The following NF1 variants were observed in gnomAD, a reference collection of about 807,000 sequenced individuals.
NF1 encodes the protein neurofibromin.
Under a neutral mutation model 325.7 loss-of-function variants are expected in NF1, and 122 were observed. That is an observed-to-expected ratio of 0.37 (90% CI 0.32 to 0.44). The LOEUF is 0.44. NF1 is among the 20% of genes least tolerant of loss of function. The probability of loss-of-function intolerance (pLI) is 1.00; values close to 1 mark genes in which losing one functional copy is unlikely to be tolerated. For synonymous variants in NF1, 1,091 were observed against 1,186.0 expected, an observed-to-expected ratio of 0.92 and a Z score of 1.65; for missense variants, 2,140 against 3,415.4, an observed-to-expected ratio of 0.63 and a Z score of 9.31.
intron 36 of NF1, among the ~76,000 whole-genome samples, chr17:31,297,791 C>T (rs1182305814): frequency 6.6e-6 from 1 of 152,066 alleles, no homozygotes; most frequent in Non-Finnish European, 1.5e-5. Context: ...TCAAATTTAT[C>T]AACCACTTAA....
At chr17:31,212,570 C>T (rs1282036819) in intron 12 of NF1, among the ~76,000 whole-genome samples, 3 of 152,052 alleles carry the variant, frequency 2.0e-5, no homozygotes, top group Non-Finnish European at 4.4e-5. Flanking sequence ...ATTAGCTGGG[C>T]GTGGTGGTGC....
chr17:31,140,609 T>A (rs924270296), intron 1 of NF1, among the ~76,000 whole-genome samples: 8 of 152,196 alleles, frequency 5.3e-5, no homozygotes, highest in Non-Finnish European at 8.8e-5. Flanking sequence ...GGTGGATACT[T>A]AAAGGAGATG....
At chr17:31,328,162 A>G (rs968553496) in intron 38 of NF1, among the ~76,000 whole-genome samples, 1 of 152,232 alleles carries the variant, frequency 6.6e-6, no homozygotes, top group East Asian at 1.9e-4. Flanking sequence ...TTTCAGAAGT[A>G]TATCACTATT....
chr17:31,206,177 A>G (rs754725500), intron 11 of NF1, 63 bp from the exon 12 acceptor site: 1 of 1,583,786 alleles, frequency 6.3e-7, no homozygotes, highest in Non-Finnish European at 8.7e-7. Context: ...ACAGTGATAA[A>G]CAGAGCATAC....
chr17:31,144,421 G>C (rs1368674674), intron 1 of NF1, among the ~76,000 whole-genome samples: 2 of 152,104 alleles, frequency 1.3e-5, no homozygotes, highest in African/African-American at 4.8e-5. Flanking sequence ...ATCTATTGCT[G>C]TATAATAAGC....
chr17:31,193,066 T>C (rs2905802), intron 8 of NF1, among the ~76,000 whole-genome samples: 82,668 of 152,022 alleles, frequency 0.54, 26,019 homozygotes, highest in Middle Eastern at 0.76. Context: ...AGTCTAGCTT[T>C]TATATTTTTA....
At chr17:31,171,306 T>C (rs2065923552) in intron 5 of NF1, among the ~76,000 whole-genome samples, 1 of 152,220 alleles carries the variant, frequency 6.6e-6, no homozygotes, top group South Asian at 2.1e-4. Flanking sequence ...TAAACCACCA[T>C]TGAATTAATA....
At chr17:31,325,499 C>T (rs2069317945) in intron 36 of NF1, among the ~76,000 whole-genome samples, 1 of 152,184 alleles carries the variant, frequency 6.6e-6, no homozygotes, top group Admixed American at 6.5e-5. Context: ...TCATTCCTAC[C>T]AGACTATTCG....
Position 31,326,846 on chromosome 17 carries a change from T to A in NF1, c.5268+594T>A, listed in dbSNP as rs571902799. The stretch of plus-strand genomic sequence containing the variant: ...AGTAGAAATTACCTAATGAGAGTTC[T>A]GATTATTACATGCTTTTTTCAGAGT... On this transcript the variant is annotated intron_variant, in intron 37 of 57. Coordinates refer to ENST00000358273, the MANE Select transcript of NF1 (RefSeq NM_001042492.3). Among the ~76,000 whole-genome samples the A allele has an allele frequency of 2.9e-4, 44 of 152,308 alleles. 2 individuals are homozygous for A. In the South Asian group the frequency reaches 8.9e-3, roughly 31 times the overall value.
In NF1 at chr17:31,330,433, C is replaced by T. The variant is rs2151544834; in HGVS notation, c.5747C>T (p.Ala1916Val). ...ATTGTCTCTATTAGTAAGACACTGG[C>T]AGCCAATGAGCCACACCTCACGTTA... ...LFIVSISKTL[A>V]ANEPHLTLEF... is the part of the protein sequence containing the mutation. The change falls in exon 39 of 58, where the codon GCA becomes GTA. Residue 1916 changes from alanine to valine, a missense_variant. Around this residue, in one of 10 missense-constraint regions of NF1, gnomAD observed 180 missense variants for 435.1 expected, o/e 0.41. Coordinates refer to ENST00000358273, the MANE Select transcript of NF1 (RefSeq NM_001042492.3). 2.5e-6 allele frequency: 4 copies of T among 1,613,838 alleles called. No individual in the cohort carries two copies. The highest frequency in any genetic ancestry group is 3.4e-6 in the Non-Finnish European group (4 of 1,179,806).
In NF1 at chr17:31,169,757, G is replaced by T. The variant is rs2065901099; in HGVS notation, c.480-134G>T. 2.5e-5 allele frequency: 16 copies of T among 639,262 alleles called. No individual in the cohort carries two copies. In the South Asian group the frequency reaches 2.7e-4, roughly 11 times the overall value. 39.6% of individuals were successfully genotyped at this position (639,262 alleles called of 1,614,324 possible). The stretch of plus-strand genomic sequence containing the variant: ...GATGATGTCTTGCTATGTTGCCCAG[G>T]CTGGTCTTGAACTCCTGGCCTCAAG... On this transcript the variant is annotated intron_variant, in intron 4 of 57. Transcript: ENST00000358273.
intron 12 of NF1, among the ~76,000 whole-genome samples, chr17:31,206,639 G>GT (rs1483481709): frequency 6.6e-6 from 1 of 150,958 alleles, no homozygotes; most frequent in East Asian, 1.9e-4. Context: ...TTTTTTTTCT[G>GT]TTTTTAAAGT....
intron 1 of NF1, among the ~76,000 whole-genome samples, chr17:31,104,385 G>A (rs547396634): frequency 2.6e-5 from 4 of 152,256 alleles, no homozygotes; most frequent in South Asian, 4.2e-4. Flanking sequence ...AGGAGGTATC[G>A]GAAGGCTCTA....
chr17:31,114,496 C>T (rs1913719594), intron 1 of NF1, among the ~76,000 whole-genome samples: 1 of 151,448 alleles, frequency 6.6e-6, no homozygotes, highest in Non-Finnish European at 1.5e-5. Context: ...TGAGATCACA[C>T]CACTGCACTC....
At chr17:31,343,170 T>C in intron 48 of NF1, 35 bp downstream of exon 48, 2 of 1,557,492 alleles carry the variant, frequency 1.3e-6, no homozygotes, top group Non-Finnish European at 1.8e-6. Context: ...TTTTATGAAG[T>C]ACTATTAAGA....
Position 31,263,130 on chromosome 17 carries a change from A to AGAT in NF1, c.4724+1273_4724+1274insGAT, listed in dbSNP as rs748437279. Among the ~76,000 whole-genome samples the AGAT allele has an allele frequency of 3.9e-4, 40 of 102,752 alleles. 1 individual carries two copies. The highest frequency in any genetic ancestry group is 4.3e-4 in the Non-Finnish European group (17 of 39,958). 67.4% of individuals were successfully genotyped at this position (102,752 alleles called of 152,430 possible). Reference sequence around the variant, plus strand: ...AGGTAGATAGATAGATAGATAAGATAAGATAAGATAAGATAGATAAGATAG... The same window carrying AGAT: ...AGGTAGATAGATAGATAGATAAGATAGATAGATAAGATAAGATAGATAAGATAG... On this transcript the variant is annotated intron_variant, in intron 35 of 57. Coordinates refer to ENST00000358273, the MANE Select transcript of NF1 (RefSeq NM_001042492.3).
intron 1 of NF1, among the ~76,000 whole-genome samples, chr17:31,140,112 TCC>T (rs1916109712): frequency 6.6e-6 from 1 of 152,210 alleles, no homozygotes; most frequent in African/African-American, 2.4e-5. Flanking sequence ...AAAGATACCT[TCC>T]CTGCTCCCAT....
intron 13 of NF1, 88 bp downstream of exon 13, chr17:31,214,673 T>A: frequency 7.5e-7 from 1 of 1,338,248 alleles, no homozygotes; most frequent in Non-Finnish European, 1.1e-6. Flanking sequence ...GGATAATTTT[T>A]AGCTCAAGAG....
chr17:31,347,358 A>G (rs996269760), intron 48 of NF1, among the ~76,000 whole-genome samples: 2 of 152,070 alleles, frequency 1.3e-5, no homozygotes, highest in African/African-American at 2.4e-5. Flanking sequence ...GACTGAGTAT[A>G]ACAGCTTTAT....
Sources: gnomAD v4.1 joint callset for allele counts (sites outside exome capture counted in the v4.1 genomes callset) on GRCh38, gnomAD v4.1.1 for gene constraint, gnomAD v4.1.1 regional missense constraint, MANE v1.5 for transcripts, NCBI Gene and HGNC (gene_info 2026-07-23, HGNC 2026-07-21) for gene names.